Variants in CORO1C observed in about 807,000 individuals in gnomAD.
The protein encoded by CORO1C is coronin 1C.
In CORO1C, 14 loss-of-function variants were observed where a neutral mutation model predicts 51.2. That is an observed-to-expected ratio of 0.27 (90% confidence interval 0.18 to 0.43). The LOEUF is 0.43. Among genes scored for constraint, CORO1C ranks in the 20% least tolerant of loss-of-function variants. CORO1C has a pLI of 1.00. For synonymous variants in CORO1C, 181 were observed against 210.5 expected, an observed-to-expected ratio of 0.86 and a Z score of 1.21; for missense variants, 417 against 607.8, an observed-to-expected ratio of 0.69 and a Z score of 3.30.
chr12:108,662,274 T>A (rs1390835163), intron 3 of CORO1C, 116 bp from the exon 4 acceptor site: 3 of 856,892 alleles, frequency 3.5e-6, no homozygotes, highest in Non-Finnish European at 3.7e-6. Flanking sequence ...TAGAGTGATA[T>A]CTGGATGAAA....
chr12:108,678,471 C>A lies in CORO1C; in HGVS notation c.196-77G>T, dbSNP rs374804989. On this transcript the variant is annotated intron_variant, in intron 2 of 10. Coordinates refer to ENST00000261401, the MANE Select transcript of CORO1C (RefSeq NM_014325.4). ...TATACATTTTCTCAGGCCCATTTCT[C>A]ATTTATTACCTCCACCCAAAACTCT... 39 of 1,213,676 alleles carry A rather than the reference C, an allele frequency of 3.2e-5. No individual in the cohort carries two copies. In the South Asian group the frequency reaches 7.3e-4, roughly 23 times the overall value. The allele number at this position is 1,213,676 out of a possible 1,614,324, so 75.2% of individuals were successfully genotyped here.
At chr12:108,674,239 T>C (rs771740144) in intron 3 of CORO1C, among the ~76,000 whole-genome samples, 34 of 152,214 alleles carry the variant, frequency 2.2e-4, no homozygotes, top group Non-Finnish European at 3.2e-4. Context: ...CTGATAGTGA[T>C]TCCCCTGATG....
At chr12:108,669,823 T>C (rs1173611832) in intron 3 of CORO1C, among the ~76,000 whole-genome samples, 1 of 152,212 alleles carries the variant, frequency 6.6e-6, no homozygotes, top group Non-Finnish European at 1.5e-5. Flanking sequence ...AACATTTCTT[T>C]AAACTTTCAT....
intron 1 of CORO1C, chr12:108,703,063 G>A (rs2034925340): frequency 9.7e-7 from 1 of 1,031,182 alleles, no homozygotes; most frequent in Non-Finnish European, 1.3e-6. Flanking sequence ...CCATGAGGTG[G>A]TGAAAAGCAA....
chr12:108,724,309 C>A (rs1048756732), intron 1 of CORO1C, among the ~76,000 whole-genome samples: 3 of 152,178 alleles, frequency 2.0e-5, no homozygotes, highest in African/African-American at 7.2e-5. Flanking sequence ...AAAGGGAAAG[C>A]CATGTCAGGT....
At chr12:108,660,451 CAAAAAAA>C (rs139334112) in intron 4 of CORO1C, among the ~76,000 whole-genome samples, 5 of 87,502 alleles carry the variant, frequency 5.7e-5, no homozygotes, top group Admixed American at 2.5e-4. Context: ...AACTCCATCT[CAAAAAAA>C]AAAAAAAAAA....
intron 7 of CORO1C, 73 bp downstream of exon 7, chr12:108,654,233 G>A (rs1026302012): frequency 2.5e-5 from 24 of 944,118 alleles, no homozygotes; most frequent in East Asian, 7.3e-5. Context: ...CACATTGCCC[G>A]TCCTCTAAAT....
chr12:108,688,026 C>T (rs554206631), intron 2 of CORO1C, among the ~76,000 whole-genome samples: 2 of 151,286 alleles, frequency 1.3e-5, no homozygotes, highest in East Asian at 2.0e-4. Flanking sequence ...CAGGTACAGG[C>T]GATTCTCCCG....
chr12:108,710,027 A>G (rs1305945352), intron 1 of CORO1C, among the ~76,000 whole-genome samples: 2 of 152,252 alleles, frequency 1.3e-5, no homozygotes, highest in African/African-American at 2.4e-5. Context: ...ATAATGCAAC[A>G]GAGTTTTTAA....
intron 2 of CORO1C, among the ~76,000 whole-genome samples, chr12:108,695,851 TAAAAAAAAAAAAA>T (rs924887183): frequency 1.6e-5 from 1 of 62,452 alleles, no homozygotes; most frequent in South Asian, 6.2e-4. Flanking sequence ...TTGGGAGAAC[TAAAAAAAAAAAAA>T]AAAAAAAAAA....
intron 2 of CORO1C, among the ~76,000 whole-genome samples, chr12:108,680,931 A>G (rs539609145): frequency 6.6e-6 from 1 of 152,368 alleles, no homozygotes; most frequent in African/African-American, 2.4e-5. Context: ...GATCACAGGC[A>G]TTCATCCTAT....
intron 8 of CORO1C, among the ~76,000 whole-genome samples, chr12:108,649,898 G>A (rs2032562574): frequency 6.6e-6 from 1 of 152,190 alleles, no homozygotes; most frequent in Non-Finnish European, 1.5e-5. Context: ...AATGTTTTCT[G>A]AATTCCAAGA....
chr12:108,715,636 T>TCCC (rs1392728632), intron 1 of CORO1C, among the ~76,000 whole-genome samples: 1 of 31,734 alleles, frequency 3.2e-5, no homozygotes, highest in Non-Finnish European at 6.6e-5. Context: ...GCCTCCTCCC[T>TCCC]CCCCCCCTCC....
chr12:108,702,577 G>C (rs2034906501), intron 1 of CORO1C, among the ~76,000 whole-genome samples: 1 of 152,150 alleles, frequency 6.6e-6, no homozygotes, highest in South Asian at 2.1e-4. Flanking sequence ...GAAGGAGCCT[G>C]GATAAAAATC....
In CORO1C at chr12:108,678,303, A is replaced by G; in HGVS notation, c.287T>C (p.Ile96Thr). Reference protein sequence around the residue: ...IDWCPHNDQVIASGSEDCTVM... With the variant: ...IDWCPHNDQVTASGSEDCTVM... ...CGTGCAGTCCTCTGAACCGCTGGCAATGACCTGATCGTTATGTGGGCACCA... is the reference window on the plus strand; with the variant it reads ...CGTGCAGTCCTCTGAACCGCTGGCAGTGACCTGATCGTTATGTGGGCACCA... Residue 96 changes from isoleucine (I) to threonine (T), a missense_variant, in exon 3 of 11, where the codon ATT (isoleucine) becomes ACT (threonine). By Grantham distance (89) the Ile-to-Thr change is moderately conservative. Transcript: ENST00000261401. The G allele has an allele frequency of 6.2e-7, 1 of 1,613,530 alleles. No individual in the cohort carries two copies. Among genetic ancestry groups the G allele is most frequent in the Non-Finnish European group, 8.5e-7 (1 of 1,179,726 alleles).
intron 1 of CORO1C, among the ~76,000 whole-genome samples, chr12:108,712,852 G>A (rs1443841204): frequency 6.7e-6 from 1 of 149,016 alleles, no homozygotes; most frequent in Non-Finnish European, 1.5e-5. Context: ...TTGAGCCCAG[G>A]AGTTTGAGGC....
intron 8 of CORO1C, among the ~76,000 whole-genome samples, chr12:108,650,310 C>T (rs184977832): frequency 1.1e-4 from 15 of 142,076 alleles, no homozygotes; most frequent in South Asian, 4.7e-4. Context: ...TCTGGAATAA[C>T]TGGGACCACA....
At chr12:108,693,754 C>G (rs2034573879) in intron 2 of CORO1C, among the ~76,000 whole-genome samples, 1 of 152,152 alleles carries the variant, frequency 6.6e-6, no homozygotes, top group African/African-American at 2.4e-5. Flanking sequence ...ACTTCTTTGC[C>G]CTCCTAGGGA....
chr12:108,668,728 T>C (rs545191200), intron 3 of CORO1C, among the ~76,000 whole-genome samples: 3 of 152,372 alleles, frequency 2.0e-5, no homozygotes, highest in South Asian at 4.1e-4. Context: ...GGAACAATTA[T>C]GCAATCCCAT....
Sources: gnomAD v4.1 joint callset for allele counts (sites outside exome capture counted in the v4.1 genomes callset) on GRCh38, gnomAD v4.1.1 for gene constraint, MANE v1.5 for transcripts, NCBI Gene and HGNC (gene_info 2026-07-23, HGNC 2026-07-21) for gene names.